SEMA5A: variants seen among roughly 807,000 people sequenced by gnomAD.
SEMA5A encodes semaphorin 5A.
A neutral mutation model predicts 135.5 loss-of-function variants in SEMA5A; 55 were observed. The ratio of observed to expected loss-of-function variants is 0.41; its 90% confidence interval spans 0.33 to 0.51. The LOEUF (loss-of-function observed/expected upper bound fraction) is 0.51, where lower values mean the gene tolerates loss of function less well. SEMA5A is among the 20% of genes least tolerant of loss of function. The pLI, the probability that SEMA5A is intolerant of heterozygous loss-of-function variation, is 0.37. For synonymous variants in SEMA5A, 580 were observed against 546.5 expected, an observed-to-expected ratio of 1.06 and a Z score of -0.85; for missense variants, 1,290 against 1,419.9, an observed-to-expected ratio of 0.91 and a Z score of 1.47.
intron 5 of SEMA5A, among the ~76,000 whole-genome samples, chr5:9,275,396 C>A (rs2150551098): frequency 6.6e-6 from 1 of 152,196 alleles, no homozygotes; most frequent in African/African-American, 2.4e-5. Flanking sequence ...CTAATTATAC[C>A]AAAGGTACAA....
intron 1 of SEMA5A, among the ~76,000 whole-genome samples, chr5:9,486,703 TATA>T (rs2126790633): frequency 6.6e-6 from 1 of 152,098 alleles, no homozygotes; most frequent in South Asian, 2.1e-4. Context: ...CTCCTCAGAC[TATA>T]ATAAGACAGA....
chr5:9,111,579 TG>T (rs1740242384), intron 15 of SEMA5A, among the ~76,000 whole-genome samples: 1 of 152,220 alleles, frequency 6.6e-6, no homozygotes, highest in Non-Finnish European at 1.5e-5. Context: ...TAACCTGCCT[TG>T]TTTTTTTCTC....
intron 13 of SEMA5A, among the ~76,000 whole-genome samples, chr5:9,130,956 G>A (rs1741377487): frequency 6.6e-6 from 1 of 152,124 alleles, no homozygotes; most frequent in Admixed American, 6.5e-5. Context: ...ATCTAAAAGA[G>A]GGCTCTGGGC....
chr5:9,245,403 C>T (rs551507517), intron 5 of SEMA5A, among the ~76,000 whole-genome samples: 3 of 152,126 alleles, frequency 2.0e-5, no homozygotes, highest in Non-Finnish European at 4.4e-5. Flanking sequence ...ATGTCAAAGT[C>T]ATGCTTTAAG....
chr5:9,063,218 C>T, intron 17 of SEMA5A, 113 bp from the exon 18 acceptor site: 1 of 1,052,252 alleles, frequency 9.5e-7, no homozygotes. Context: ...ACTACCCTCT[C>T]ACATTCCGTT....
intron 5 of SEMA5A, among the ~76,000 whole-genome samples, chr5:9,266,498 A>C (rs1459303933): frequency 1.3e-5 from 2 of 152,226 alleles, no homozygotes; most frequent in Non-Finnish European, 2.9e-5. Flanking sequence ...TAAGTTGAAT[A>C]CACCATTATT....
At chr5:9,265,260 C>G (rs762028462) in intron 5 of SEMA5A, among the ~76,000 whole-genome samples, 160 of 152,114 alleles carry the variant, frequency 1.1e-3, no homozygotes, top group Non-Finnish European at 2.6e-4. Flanking sequence ...ATTACATATT[C>G]CCCTCCTGAG....
At chr5:9,344,820 T>C (rs1034893242) in intron 3 of SEMA5A, among the ~76,000 whole-genome samples, 1 of 152,190 alleles carries the variant, frequency 6.6e-6, no homozygotes, top group African/African-American at 2.4e-5. Context: ...ATAACTCCTA[T>C]TGAGGGCTTA....
At chr5:9,472,897 G>C (rs2126758717) in intron 1 of SEMA5A, among the ~76,000 whole-genome samples, 2 of 150,208 alleles carry the variant, frequency 1.3e-5, no homozygotes, top group East Asian at 3.9e-4. Flanking sequence ...TATTGAATAA[G>C]TTATGTATAG....
chr5:9,363,632 G>A (rs1561188382), intron 3 of SEMA5A, among the ~76,000 whole-genome samples: 2 of 152,188 alleles, frequency 1.3e-5, no homozygotes, highest in African/African-American at 2.4e-5. Flanking sequence ...TCTCTCACTT[G>A]GAGTGTGAAA....
At chr5:9,203,737 A>T (rs573102568) in intron 8 of SEMA5A, among the ~76,000 whole-genome samples, 5 of 152,298 alleles carry the variant, frequency 3.3e-5, no homozygotes, top group African/African-American at 1.2e-4. Flanking sequence ...GAAGTATATC[A>T]AGTAATATAC....
intron 1 of SEMA5A, chr5:9,498,379 G>A (rs1264096124): frequency 2.0e-5 from 3 of 152,160 alleles, no homozygotes; most frequent in Admixed American, 6.5e-5. Flanking sequence ...ACCATCCATC[G>A]AATTCTTTGG....
At chr5:9,514,988 C>CTTTTTAGT (rs1169756269) in intron 1 of SEMA5A, among the ~76,000 whole-genome samples, 1 of 152,170 alleles carries the variant, frequency 6.6e-6, no homozygotes, top group African/African-American at 2.4e-5. Context: ...AGTTTAAAGC[C>CTTTTTAGT]ATGTTCCTCA....
At chr5:9,528,284 G>A (rs1231425864) in intron 1 of SEMA5A, among the ~76,000 whole-genome samples, 5 of 152,130 alleles carry the variant, frequency 3.3e-5, no homozygotes, top group East Asian at 3.9e-4. Flanking sequence ...ATCAGCAACC[G>A]AAGGTCCCCA....
At chr5:9,450,826 A>G (rs188698145) in intron 1 of SEMA5A, among the ~76,000 whole-genome samples, 18 of 152,222 alleles carry the variant, frequency 1.2e-4, no homozygotes, top group African/African-American at 4.3e-4. Flanking sequence ...TGTCCTTAGC[A>G]GCATTCTGTG....
intron 16 of SEMA5A, among the ~76,000 whole-genome samples, chr5:9,079,986 T>C (rs1738283923): frequency 6.6e-6 from 1 of 152,178 alleles, no homozygotes; most frequent in Non-Finnish European, 1.5e-5. Context: ...GAAGACAGTG[T>C]AGCGACTCCT....
chr5:9,161,471 A>C (rs546059375), intron 11 of SEMA5A, among the ~76,000 whole-genome samples: 25 of 152,352 alleles, frequency 1.6e-4, no homozygotes. Flanking sequence ...ACTTAACCCA[A>C]GGTTTCCAAA....
At chr5:9,121,823 C>T (rs1740827622) in intron 14 of SEMA5A, among the ~76,000 whole-genome samples, 1 of 152,212 alleles carries the variant, frequency 6.6e-6, no homozygotes, top group Non-Finnish European at 1.5e-5. Context: ...GGCCCACTTC[C>T]TCTTAGGTGC....
At chr5:9,440,174 A>G (rs1758182375) in intron 1 of SEMA5A, among the ~76,000 whole-genome samples, 1 of 152,198 alleles carries the variant, frequency 6.6e-6, no homozygotes, top group Non-Finnish European at 1.5e-5. Context: ...AGGAACAGAC[A>G]ATGATTCTTG....
Sources: allele counts gnomAD v4.1 joint callset (sites outside exome capture counted in the v4.1 genomes callset), GRCh38; gene constraint gnomAD v4.1.1; transcripts MANE v1.5; gene names NCBI Gene and HGNC (gene_info 2026-07-23, HGNC 2026-07-21).